Variants in CNNM2 observed in about 807,000 individuals in gnomAD.
CNNM2 encodes the protein cyclin and CBS domain divalent metal cation transport mediator 2.
A neutral mutation model predicts 66.9 loss-of-function variants in CNNM2; 12 were observed. The observed-to-expected ratio is 0.18, with a 90% confidence interval of 0.11 to 0.29. The LOEUF is 0.29. Ranked by LOEUF, CNNM2 falls within the 10% of genes least tolerant of loss-of-function variation. The pLI is 1.00. For missense variants in CNNM2, 705 were observed against 1,167.7 expected (o/e 0.60, Z 5.77); for synonymous variants, 557 against 501.8 (o/e 1.11, Z -1.47).
chr10:103,040,604 G>A (rs779461358), intron 1 of CNNM2, among the ~76,000 whole-genome samples: 1 of 152,168 alleles, frequency 6.6e-6, no homozygotes. Flanking sequence ...GGCTAGACTT[G>A]GCAGGGGCTG....
In CNNM2 at chr10:102,918,574, A is replaced by G. The variant is rs779803547; in HGVS notation, c.94A>G (p.Ser32Gly). ...LPTWKMAARR[S>G]LSARGRGILQ... is the part of the protein sequence containing the mutation. ...CACTTGGAAGATGGCGGCGCGCCGC[A>G]GCCTCAGCGCTCGCGGCCGGGGGAT... The change falls in exon 1 of 8, where the codon AGC becomes GGC. Residue 32 changes from serine to glycine, a missense_variant. Ser to Gly is a moderately conservative substitution (Grantham distance 56, BLOSUM62 0). Transcript: ENST00000369878. This position sits in a 1 kb window ranked among gnomAD's most constrained non-coding sequence, Gnocchi z 4.1. 2.5e-6 allele frequency: 4 copies of G among 1,581,184 alleles called. No individual in the cohort carries two copies. Among genetic ancestry groups the G allele is most frequent in the African/African-American group, 1.4e-5 (1 of 72,182 alleles).
chr10:102,945,248 A>G (rs923897049), intron 1 of CNNM2, among the ~76,000 whole-genome samples: 2 of 152,130 alleles, frequency 1.3e-5, no homozygotes, highest in Non-Finnish European at 2.9e-5. Context: ...AAGTGAATGT[A>G]GTTCAAAGCA....
chr10:103,029,048 C>T (rs1284691946), intron 1 of CNNM2, among the ~76,000 whole-genome samples: 2 of 151,758 alleles, frequency 1.3e-5, no homozygotes, highest in African/African-American at 4.8e-5. Flanking sequence ...TTTTGAACCC[C>T]TGACCTCAAA....
At chr10:103,068,527 A>G in intron 4 of CNNM2, 102 bp from the exon 5 acceptor site, 1 of 955,598 alleles carries the variant, frequency 1.0e-6, no homozygotes. Flanking sequence ...AGTGTTGGGA[A>G]AAGAAATCAG....
intron 1 of CNNM2, among the ~76,000 whole-genome samples, chr10:102,941,316 C>T (rs924582248): frequency 5.9e-5 from 9 of 151,798 alleles, no homozygotes; most frequent in African/African-American, 2.2e-4. Flanking sequence ...CTATGTTGCC[C>T]AGGCTGGTCT....
At chr10:103,067,805 G>T (rs1348057254) in intron 4 of CNNM2, among the ~76,000 whole-genome samples, 1 of 152,168 alleles carries the variant, frequency 6.6e-6, no homozygotes, top group African/African-American at 2.4e-5. Context: ...GAAAATCTTA[G>T]GGGGAGGAGA....
chr10:103,044,193 C>G (rs954098516), intron 1 of CNNM2, among the ~76,000 whole-genome samples: 1 of 152,098 alleles, frequency 6.6e-6, no homozygotes, highest in African/African-American at 2.4e-5. Context: ...GTTTATTCTT[C>G]TATTCGTTTT....
intron 1 of CNNM2, among the ~76,000 whole-genome samples, chr10:102,933,669 G>T (rs1035292337): frequency 6.6e-5 from 10 of 152,040 alleles, no homozygotes; most frequent in African/African-American, 2.4e-4. Flanking sequence ...TCCACAATTG[G>T]TTATTGACAG....
chr10:102,991,252 T>C (rs552303519), intron 1 of CNNM2, among the ~76,000 whole-genome samples: 169 of 152,264 alleles, frequency 1.1e-3, no homozygotes, highest in African/African-American at 3.5e-3. Flanking sequence ...CCTCCCAAAG[T>C]GCTGGGATTA....
At position 103,087,140 on chromosome 10, in the gene CNNM2, A is replaced by ATTTTTTTTTTTTTTTTTTTTTTTTTTTTT. The variant is rs71019655; in HGVS notation, c.*9964_*9992dup. On this transcript the variant is annotated 3_prime_UTR_variant, in exon 8 of 8. Transcript: ENST00000369878. ...TTCTCACGGTATAAAACTCCGCAGG[A>ATTTTTTTTTTTTTTTTTTTTTTTTTTTTT]TTTTTTTTTTTTTTTTTTTTTTTTT... 2 of 75,378 alleles carry ATTTTTTTTTTTTTTTTTTTTTTTTTTTTT rather than the reference A, an allele frequency of 2.7e-5. No individual in the cohort carries two copies. The highest frequency in any genetic ancestry group is 3.6e-4 in the Admixed American group (2 of 5,528). The allele number at this position is 75,378 out of a possible 1,614,324, so 4.7% of individuals were successfully genotyped here.
intron 1 of CNNM2, among the ~76,000 whole-genome samples, chr10:103,016,372 A>T (rs796986766): frequency 1.3e-5 from 2 of 152,068 alleles, no homozygotes; most frequent in Non-Finnish European, 2.9e-5. Context: ...TCAATATTTC[A>T]AAATATTGAA....
chr10:103,003,705 T>A (rs141356281), intron 1 of CNNM2, among the ~76,000 whole-genome samples: 2 of 151,862 alleles, frequency 1.3e-5, no homozygotes, highest in Non-Finnish European at 2.9e-5. Context: ...CCCAGGATGC[T>A]GTGGTTGCAT....
At chr10:103,000,411 T>C (rs1362717130) in intron 1 of CNNM2, among the ~76,000 whole-genome samples, 2 of 152,052 alleles carry the variant, frequency 1.3e-5, no homozygotes, top group East Asian at 1.9e-4. Flanking sequence ...TGAAGAGATA[T>C]TTGTACACCC....
Position 103,088,760 on chromosome 10 carries a change from A to C in CNNM2, c.*11580A>C, listed in dbSNP as rs577955112. On this transcript the variant is annotated 3_prime_UTR_variant, in exon 8 of 8. Coordinates refer to ENST00000369878, the MANE Select transcript of CNNM2 (RefSeq NM_017649.5). ...ACTTTAGTAAGGTTCTGGCTTACAG[A>C]GCCCTCTTCCCATCCTCTGATGTTC... The C allele has an allele frequency of 7.4e-4, 133 of 180,794 alleles. No individual in the cohort carries two copies. The highest frequency in any genetic ancestry group is 2.8e-3 in the African/African-American group (119 of 42,534). 11.2% of individuals were successfully genotyped at this position (180,794 alleles called of 1,614,324 possible).
intron 1 of CNNM2, among the ~76,000 whole-genome samples, chr10:103,001,892 G>A (rs1564840185): frequency 6.6e-6 from 1 of 152,090 alleles, no homozygotes; most frequent in African/African-American, 2.4e-5. Flanking sequence ...CTACTTGGGA[G>A]GCTGAGACAC....
rs987588116 is a variant in CNNM2 at position 102,987,981 on chromosome 10, C to T, written c.1622-61726C>T. On this transcript the variant is annotated intron_variant, in intron 1 of 7. Transcript: ENST00000369878. ...TGGAGACCTGTTAATCAGCTGTATG[C>T]ACCACGCTACTTAATTGATTTAGAA... is the stretch of plus-strand genomic sequence containing the variant. 5.5e-4 allele frequency among the ~76,000 whole-genome samples: 84 copies of T among 152,158 alleles called. 1 individual carries two copies. Among genetic ancestry groups the T allele is most frequent in the African/African-American group, 1.9e-3 (79 of 41,428 alleles).
chr10:103,043,350 T>C (rs960239072), intron 1 of CNNM2, among the ~76,000 whole-genome samples: 7 of 152,230 alleles, frequency 4.6e-5, no homozygotes, highest in Admixed American at 4.6e-4. Context: ...ATCGACTTTC[T>C]TCCTTAATGT....
intron 1 of CNNM2, among the ~76,000 whole-genome samples, chr10:102,931,030 A>G (rs1021095149): frequency 6.6e-6 from 1 of 152,146 alleles, no homozygotes; most frequent in African/African-American, 2.4e-5. Context: ...GACAAATCCC[A>G]TTCTAGTCTG....
In CNNM2 at chr10:102,964,314, C is replaced by T. The variant is rs374145365; in HGVS notation, c.1621+44213C>T. On this transcript the variant is annotated intron_variant, in intron 1 of 7. Coordinates refer to ENST00000369878, the MANE Select transcript of CNNM2 (RefSeq NM_017649.5). ...CACCATCTCGGCTCACTGCAGCCTCCACCTCCCAGGTTCAAGTGATTCTCC... is the reference window on the plus strand; with the variant it reads ...CACCATCTCGGCTCACTGCAGCCTCTACCTCCCAGGTTCAAGTGATTCTCC... Among the ~76,000 whole-genome samples the T allele has an allele frequency of 3.9e-5, 6 of 151,994 alleles. No individual in the cohort carries two copies. In the East Asian group the frequency reaches 9.7e-4, roughly 24 times the overall value.
Sources: gnomAD v4.1 joint callset for allele counts (sites outside exome capture counted in the v4.1 genomes callset) on GRCh38, gnomAD v4.1.1 for gene constraint, Gnocchi (gnomAD v3.1) non-coding constraint, MANE v1.5 for transcripts, NCBI Gene and HGNC (gene_info 2026-07-23, HGNC 2026-07-21) for gene names.